Variants in IL17RB observed in about 807,000 individuals in gnomAD.
IL17RB encodes interleukin 17 receptor B.
Under a neutral mutation model 43.9 loss-of-function variants are expected in IL17RB, and 36 were observed. That is an observed-to-expected ratio of 0.82 (90% CI 0.63 to 1.08). IL17RB has a LOEUF of 1.08. Among genes scored for constraint, IL17RB ranks in the 50% least tolerant of loss-of-function variants. The pLI is 0.00. For synonymous variants in IL17RB, 225 were observed against 225.4 expected, an observed-to-expected ratio of 1.00 and a Z score of 0.02; for missense variants, 613 against 613.6, an observed-to-expected ratio of 1.00 and a Z score of 0.01.
At chr3:53,862,638 C>T (rs1399006252) in intron 10 of IL17RB, among the ~76,000 whole-genome samples, 1 of 152,146 alleles carries the variant, frequency 6.6e-6, no homozygotes, top group Middle Eastern at 3.2e-3. Flanking sequence ...CTGCTGGAGA[C>T]GAGTGCTTCC....
At chr3:53,864,487 G>T (rs1699702320) in intron 10 of IL17RB, among the ~76,000 whole-genome samples, 1 of 152,006 alleles carries the variant, frequency 6.6e-6, no homozygotes, top group Non-Finnish European at 1.5e-5. Flanking sequence ...GTCAGCCGAG[G>T]TCACGCCACT....
intron 5 of IL17RB, among the ~76,000 whole-genome samples, chr3:53,854,083 G>C (rs1300829722): frequency 1.3e-5 from 2 of 151,994 alleles, no homozygotes; most frequent in Non-Finnish European, 2.9e-5. Context: ...TTTTAGTAGA[G>C]ACGGGGTTTC....
At chr3:53,846,684 G>C in intron 1 of IL17RB, 36 bp downstream of exon 1, 4 of 1,555,304 alleles carry the variant, frequency 2.6e-6, no homozygotes, top group Non-Finnish European at 3.5e-6. Flanking sequence ...CTCATCTCCC[G>C]GCCCTCGAGC....
At chr3:53,847,482 T>C (rs1698958677) in intron 1 of IL17RB, among the ~76,000 whole-genome samples, 2 of 103,226 alleles carry the variant, frequency 1.9e-5, no homozygotes, top group African/African-American at 6.3e-5. Flanking sequence ...ATGGCTCATT[T>C]GTTAAAAAAA....
At chr3:53,858,536 G>C in intron 8 of IL17RB, 183 bp from the exon 9 acceptor site, 1 of 1,426,284 alleles carries the variant, frequency 7.0e-7, no homozygotes, top group Non-Finnish European at 9.2e-7. Context: ...CGTGGGTCTC[G>C]GGTCACTGGT....
rs1272254078 is a variant in IL17RB, at chr3:53,849,745, C to T, written c.176C>T (p.Thr59Ile). ...GAACCTGTTACAACTAGTGTTGCAA[C>T]AGGGGACTATTCAATTTTGATGAAT... ...RVEPVTTSVATGDYSILMNVS... is the reference protein window; with the variant it reads ...RVEPVTTSVAIGDYSILMNVS... The change falls in exon 3 of 11, where the codon ACA becomes ATA. Residue 59 changes from threonine (T) to isoleucine (I), a missense_variant. Thr to Ile is a moderately conservative substitution (Grantham distance 89). Transcript: ENST00000288167. 4.3e-6 allele frequency: 7 copies of T among 1,612,530 alleles called. No homozygotes were observed. The highest frequency in any genetic ancestry group is 1.7e-5 in the Admixed American group (1 of 59,834).
chr3:53,863,002 A>C (rs1027369094), intron 10 of IL17RB, among the ~76,000 whole-genome samples: 1 of 152,122 alleles, frequency 6.6e-6, no homozygotes, highest in African/African-American at 2.4e-5. Context: ...TCGTCAGCCT[A>C]CTCAACAAGA....
At chr3:53,847,874 C>T (rs1444031812) in intron 1 of IL17RB, among the ~76,000 whole-genome samples, 2 of 152,096 alleles carry the variant, frequency 1.3e-5, no homozygotes, top group East Asian at 1.9e-4. Context: ...CAATTTTGCC[C>T]AAACTCAAAT....
chr3:53,852,116 CTG>C lies in IL17RB; in HGVS notation c.345_346del (p.Gly116TrpfsTer2), dbSNP rs755569952. 1 of 1,614,078 alleles carries C rather than the reference CTG, an allele frequency of 6.2e-7. No individual in the cohort carries two copies. The highest frequency in any genetic ancestry group is 8.5e-7 in the Non-Finnish European group (1 of 1,179,996). On this transcript the variant is annotated frameshift_variant, in exon 4 of 11. Transcript: ENST00000288167. LOFTEE classifies it high-confidence loss of function. ...GCCTTCCAGACTCAGACCAGACCCT[CTG>C]GTGGTAAAGTAAGCACTTTTTTGTT...
chr3:53,864,209 T>C (rs1157799974), intron 10 of IL17RB, among the ~76,000 whole-genome samples: 1 of 152,160 alleles, frequency 6.6e-6, no homozygotes, highest in African/African-American at 2.4e-5. Context: ...GAGAGGGACT[T>C]AGAAAATACT....
rs540250211 is a variant in IL17RB, at chr3:53,858,112, A to AG, written c.747+424dup. ...GCCGCAGCGGACCCAGCTGGAACAC[A>AG]GGAAGTTGGAGCAGTAGGTGCTCCT... is the stretch of plus-strand genomic sequence containing the variant. On this transcript the variant is annotated intron_variant, in intron 8 of 10. Coordinates refer to ENST00000288167, the MANE Select transcript of IL17RB (RefSeq NM_018725.4). The AG allele has an allele frequency of 1.2e-3, 243 of 194,550 alleles. 1 individual carries two copies. Among genetic ancestry groups the AG allele is most frequent in the African/African-American group, 5.6e-3 (241 of 43,254 alleles). The allele number at this position is 194,550 out of a possible 1,614,324, so 12.1% of individuals were successfully genotyped here.
At chr3:53,858,220 G>C (rs753468364) in intron 8 of IL17RB, 8 of 384,774 alleles carry the variant, frequency 2.1e-5, no homozygotes, top group Non-Finnish European at 2.2e-5. Flanking sequence ...ACTCCCCAAA[G>C]AGTAAGGAGC....
At chr3:53,849,824 C>T (rs1285314909) in intron 3 of IL17RB, 29 bp downstream of exon 3, 5 of 1,563,050 alleles carry the variant, frequency 3.2e-6, no homozygotes, top group African/African-American at 2.7e-5. Context: ...GAGATAAGGC[C>T]CAAAGTGTCT....
At chr3:53,852,742 C>A in intron 4 of IL17RB, 129 bp from the exon 5 acceptor site, 1 of 740,144 alleles carries the variant, frequency 1.4e-6, no homozygotes, top group Non-Finnish European at 2.2e-6. Flanking sequence ...CCTAAGTAGA[C>A]ATTGGTTGGA....
At chr3:53,848,612 A>T in intron 1 of IL17RB, 52 bp from the exon 2 acceptor site, 1 of 1,590,404 alleles carries the variant, frequency 6.3e-7, no homozygotes, top group South Asian at 1.1e-5. Context: ...GGCAAAGGAA[A>T]GCTTGTGGTT....
In IL17RB at chr3:53,858,044, G is replaced by A. The variant is rs1576839944; in HGVS notation, c.747+354G>A. 1.5e-5 allele frequency: 4 copies of A among 272,836 alleles called. No individual in the cohort carries two copies. The East Asian group carries it at 3.3e-4, about 22-fold the overall frequency. The allele number at this position is 272,836 out of a possible 1,614,324, so 16.9% of individuals were successfully genotyped here. A position where few individuals can be genotyped will look rare whatever the true frequency, so the allele number is the denominator to read the frequency against. On this transcript the variant is annotated intron_variant, in intron 8 of 10. Coordinates refer to ENST00000288167, the MANE Select transcript of IL17RB (RefSeq NM_018725.4). ...TTGAAATGGGAAGGTTTGAGTTCCA[G>A]GCAGCGTATGAACTCTGGAGAGGGG...
rs962609003 is a variant in IL17RB at position 53,847,831 on chromosome 3, A to C, written c.61-833A>C. ...AAAAAAATCTGATGATATCCCTTAG[A>C]GTTCATTTTTTAAAAGACAAATAAA... On this transcript the variant is annotated intron_variant, in intron 1 of 10. Coordinates refer to ENST00000288167, the MANE Select transcript of IL17RB (RefSeq NM_018725.4). Among the ~76,000 whole-genome samples, 8 of 152,282 alleles carry C rather than the reference A, an allele frequency of 5.3e-5. No homozygotes were observed. In the East Asian group the frequency reaches 1.5e-3, roughly 29 times the overall value.
At position 53,857,956 on chromosome 3, in the gene IL17RB, C is replaced by T. The variant is rs1699406548; in HGVS notation, c.747+266C>T. ...ATTTTCATTTTCTGTCACAGACACT[C>T]AGGGATAGCAGTACCATTTTACTTC... is the stretch of plus-strand genomic sequence containing the variant. On this transcript the variant is annotated intron_variant, in intron 8 of 10. Coordinates refer to ENST00000288167, the MANE Select transcript of IL17RB (RefSeq NM_018725.4). 5 of 444,974 alleles carry T rather than the reference C, an allele frequency of 1.1e-5. No individual in the cohort carries two copies. The South Asian group carries it at 1.3e-4, about 12-fold the overall frequency. The allele number at this position is 444,974 out of a possible 1,614,324, so 27.6% of individuals were successfully genotyped here. A position where few individuals can be genotyped will look rare whatever the true frequency, so the allele number is the denominator to read the frequency against.
chr3:53,858,245 C>A, intron 8 of IL17RB: 1 of 588,354 alleles, frequency 1.7e-6, no homozygotes, highest in Non-Finnish European at 2.2e-6. Context: ...ATGCTTCATT[C>A]CCTGGCATAA....
Sources: allele counts gnomAD v4.1 joint callset (sites outside exome capture counted in the v4.1 genomes callset), GRCh38; gene constraint gnomAD v4.1.1; transcripts MANE v1.5; gene names NCBI Gene and HGNC (gene_info 2026-07-23, HGNC 2026-07-21).